The following NRG3 variants were observed in gnomAD, a reference collection of about 807,000 sequenced individuals.
The protein encoded by NRG3 is neuregulin 3, also known as pro-neuregulin-3, membrane-bound isoform.
NRG3 carries 31 observed loss-of-function variants against 66.9 expected under a neutral mutation model. That is an observed-to-expected ratio of 0.46 (90% CI 0.35 to 0.63). NRG3 has a LOEUF of 0.63. Ranked by LOEUF, NRG3 falls within the 20% of genes least tolerant of loss-of-function variation. NRG3 has a pLI of 0.00. For synonymous variants in NRG3, 393 were observed against 359.4 expected (o/e 1.09, Z -1.06); for missense variants, 910 against 878.9 (o/e 1.04, Z -0.45).
At chr10:82,898,291 C>G (rs928331869) in intron 4 of NRG3, among the ~76,000 whole-genome samples, 1 of 152,204 alleles carries the variant, frequency 6.6e-6, no homozygotes, top group Non-Finnish European at 1.5e-5. Flanking sequence ...TCACAGTGTT[C>G]CTTGGGATCA....
chr10:82,138,078 G>C (rs768378318), intron 1 of NRG3, among the ~76,000 whole-genome samples: 4 of 152,042 alleles, frequency 2.6e-5, no homozygotes, highest in Non-Finnish European at 5.9e-5. Flanking sequence ...TATAGCTGAA[G>C]ATATACAGTT....
chr10:82,037,555 G>A (rs1398030609), intron 1 of NRG3, among the ~76,000 whole-genome samples: 1 of 152,060 alleles, frequency 6.6e-6, no homozygotes, highest in Admixed American at 6.6e-5. Context: ...CTTTCAAACG[G>A]TTTGAAAAAT....
At chr10:82,645,891 C>G (rs940890429) in intron 2 of NRG3, among the ~76,000 whole-genome samples, 1 of 151,970 alleles carries the variant, frequency 6.6e-6, no homozygotes, top group Non-Finnish European at 1.5e-5. Flanking sequence ...CTTCTCTCAG[C>G]TATAGTGCCT....
chr10:82,775,215 CT>C (rs35307796), intron 3 of NRG3, among the ~76,000 whole-genome samples: 26,630 of 139,714 alleles, frequency 0.19, 3,758 homozygotes, highest in African/African-American at 0.41. Flanking sequence ...TATTTGGGAT[CT>C]TTTTTTTTTT....
intron 1 of NRG3, among the ~76,000 whole-genome samples, chr10:81,933,061 TCGTGCCAC>T (rs1847529737): frequency 6.9e-6 from 1 of 144,514 alleles, no homozygotes; most frequent in Non-Finnish European, 1.5e-5. Context: ...TGAGCTGAGA[TCGTGCCAC>T]TGCACTCCAG....
chr10:82,241,359 T>C (rs1477595086), intron 1 of NRG3, among the ~76,000 whole-genome samples: 1 of 152,104 alleles, frequency 6.6e-6, no homozygotes, highest in Non-Finnish European at 1.5e-5. Context: ...TTTGTCCTTA[T>C]CAGTAAAATG....
chr10:82,763,044 A>G (rs1386783780), intron 3 of NRG3, among the ~76,000 whole-genome samples: 1 of 152,202 alleles, frequency 6.6e-6, no homozygotes, highest in Non-Finnish European at 1.5e-5. Flanking sequence ...TTATACACTA[A>G]CAAACATGGT....
chr10:82,029,892 C>A (rs1482482034), intron 1 of NRG3, among the ~76,000 whole-genome samples: 2 of 152,074 alleles, frequency 1.3e-5, no homozygotes, highest in Admixed American at 1.3e-4. Flanking sequence ...TTTACCATCT[C>A]AAGAGGAATT....
At position 82,283,627 on chromosome 10, in the gene NRG3, A is replaced by G. The variant is rs182135203; in HGVS notation, c.824-75112A>G. ...AGGTTTTCAATAATGAAGGCACCAT[A>G]CAACCCATGATAATTATACTAAATA... On this transcript the variant is annotated intron_variant, in intron 1 of 8. Coordinates refer to ENST00000372141, the MANE Select transcript of NRG3 (RefSeq NM_001010848.4). Among the ~76,000 whole-genome samples the G allele has an allele frequency of 2.6e-5, 4 of 152,268 alleles. No individual in the cohort carries two copies. In the East Asian group the frequency reaches 7.7e-4, roughly 29 times the overall value.
At chr10:82,773,259 G>A (rs1002919913) in intron 3 of NRG3, among the ~76,000 whole-genome samples, 2 of 152,160 alleles carry the variant, frequency 1.3e-5, no homozygotes, top group Admixed American at 1.3e-4. Flanking sequence ...CTTATTGCTT[G>A]TCTTTTAGGT....
chr10:82,065,663 T>C (rs34051780), intron 1 of NRG3, among the ~76,000 whole-genome samples: 22 of 152,268 alleles, frequency 1.4e-4, no homozygotes, highest in Non-Finnish European at 3.1e-4. Context: ...ATGTTTTTAA[T>C]AATTAAAAAT....
intron 2 of NRG3, among the ~76,000 whole-genome samples, chr10:82,659,688 T>C (rs1056566455): frequency 1.3e-5 from 2 of 151,596 alleles, no homozygotes; most frequent in African/African-American, 2.4e-5. Context: ...CAAAGAAAAA[T>C]ATTCTAAAGA....
At chr10:81,981,016 A>G (rs896909256) in intron 1 of NRG3, among the ~76,000 whole-genome samples, 13 of 152,190 alleles carry the variant, frequency 8.5e-5, no homozygotes, top group Non-Finnish European at 1.8e-4. Flanking sequence ...TGGGGCTTCA[A>G]TGTATGCATG....
At chr10:82,377,387 T>C (rs1009725017) in intron 2 of NRG3, among the ~76,000 whole-genome samples, 2 of 151,562 alleles carry the variant, frequency 1.3e-5, no homozygotes, top group Non-Finnish European at 2.9e-5. Context: ...AGGATGAGGG[T>C]AAGTAATCTG....
At chr10:82,888,474 CT>C (rs1842896671) in intron 4 of NRG3, among the ~76,000 whole-genome samples, 1 of 152,132 alleles carries the variant, frequency 6.6e-6, no homozygotes, top group Non-Finnish European at 1.5e-5. Context: ...CCCAGACCTT[CT>C]CATCACAAAA....
chr10:82,212,577 C>T (rs542863182), intron 1 of NRG3, among the ~76,000 whole-genome samples: 6 of 152,266 alleles, frequency 3.9e-5, no homozygotes, highest in South Asian at 4.1e-4. Flanking sequence ...GGATATTGCA[C>T]GTCGCTGAGT....
intron 1 of NRG3, among the ~76,000 whole-genome samples, chr10:81,905,954 T>C (rs1227800132): frequency 3.9e-5 from 6 of 152,232 alleles, no homozygotes; most frequent in Non-Finnish European, 5.9e-5. Context: ...CTACAGTTTA[T>C]AATGTTGTTT....
At chr10:82,704,478 A>G (rs1394622337) in intron 2 of NRG3, among the ~76,000 whole-genome samples, 1 of 152,160 alleles carries the variant, frequency 6.6e-6, no homozygotes, top group African/African-American at 2.4e-5. Context: ...AAAAATCAAG[A>G]AACACTCTAT....
At chr10:82,862,130 C>A (rs912041222) in intron 3 of NRG3, among the ~76,000 whole-genome samples, 3 of 152,180 alleles carry the variant, frequency 2.0e-5, no homozygotes, top group Admixed American at 6.5e-5. Flanking sequence ...TTTCCCCTTG[C>A]ACCCTCAGGC....
Sources: allele counts gnomAD v4.1 joint callset (sites outside exome capture counted in the v4.1 genomes callset), GRCh38; gene constraint gnomAD v4.1.1; transcripts MANE v1.5; gene names NCBI Gene and HGNC (gene_info 2026-07-23, HGNC 2026-07-21).